The following SLC4A4 variants were observed in gnomAD, a reference collection of about 807,000 sequenced individuals.
SLC4A4 encodes solute carrier family 4 member 4, also known as electrogenic sodium bicarbonate cotransporter 1.
SLC4A4 carries 27 observed loss-of-function variants against 111.5 expected under a neutral mutation model. The observed-to-expected ratio is 0.24, with a 90% CI of 0.18 to 0.33. SLC4A4 has a LOEUF of 0.33. SLC4A4 is among the 10% of genes least tolerant of loss of function. The pLI, the probability that SLC4A4 is intolerant of heterozygous loss-of-function variation, is 1.00. For synonymous variants in SLC4A4, 443 were observed against 463.4 expected (o/e 0.96, Z 0.57); for missense variants, 909 against 1,315.5 (o/e 0.69, Z 4.78).
intron 3 of SLC4A4, among the ~76,000 whole-genome samples, chr4:71,306,583 A>C (rs1725706059): frequency 6.6e-6 from 1 of 150,932 alleles, no homozygotes; most frequent in Admixed American, 6.6e-5. Flanking sequence ...CTCCGTCTCA[A>C]AAAAAAAAAT....
chr4:71,432,754 A>G (rs1723757275), intron 7 of SLC4A4, among the ~76,000 whole-genome samples: 1 of 152,072 alleles, frequency 6.6e-6, no homozygotes, highest in African/African-American at 2.4e-5. Context: ...AAAAGCCTAC[A>G]GAGGGTGATG....
chr4:71,536,967 C>T lies in SLC4A4; in HGVS notation c.2442+2579C>T, dbSNP rs181866579. Among the ~76,000 whole-genome samples the T allele has an allele frequency of 1.1e-3, 162 of 150,656 alleles. 2 individuals carry two copies. Among genetic ancestry groups the T allele is most frequent in the African/African-American group, 3.7e-3 (151 of 41,022 alleles). ...GTATATATGTGTGTATATACATATC[C>T]TTTCTTATATGTATATGTATATGTA... On this transcript the variant is annotated intron_variant, in intron 18 of 25. Coordinates refer to ENST00000264485, the MANE Select transcript of SLC4A4 (RefSeq NM_001098484.3).
intron 7 of SLC4A4, among the ~76,000 whole-genome samples, chr4:71,411,917 G>A (rs373520494): frequency 7.9e-5 from 12 of 152,208 alleles, no homozygotes; most frequent in South Asian, 6.2e-4. Context: ...ATAAACAACT[G>A]TACTCGAAGT....
intron 3 of SLC4A4, among the ~76,000 whole-genome samples, chr4:71,275,497 G>T (rs1006095308): frequency 6.6e-6 from 1 of 152,176 alleles, no homozygotes; most frequent in South Asian, 2.1e-4. Context: ...ATGGTTAAAC[G>T]TAGGATAGAT....
intron 2 of SLC4A4, among the ~76,000 whole-genome samples, chr4:71,174,516 G>C (rs1184455514): frequency 2.0e-5 from 3 of 151,912 alleles, no homozygotes; most frequent in Non-Finnish European, 4.4e-5. Context: ...CCAAAGTGCT[G>C]GTATTACAGG....
At chr4:71,427,779 C>T (rs1167357544) in intron 7 of SLC4A4, among the ~76,000 whole-genome samples, 9 of 152,108 alleles carry the variant, frequency 5.9e-5, no homozygotes. Context: ...GAATATAGTT[C>T]ACCAAGTGCA....
rs149317061 is a variant in SLC4A4 at position 71,449,544 on chromosome 4, T to C, written c.1054-845T>C. ...CCCCAGACTGTTAAATGTTACTTAATTGATAGCTTTTAAAAATTCTTTTCC... is the reference window on the plus strand; with the variant it reads ...CCCCAGACTGTTAAATGTTACTTAACTGATAGCTTTTAAAAATTCTTTTCC... On this transcript the variant is annotated intron_variant, in intron 9 of 25. Transcript: ENST00000264485. Among the ~76,000 whole-genome samples, 808 of 152,306 alleles carry C rather than the reference T, an allele frequency of 5.3e-3. 7 individuals carry two copies. Among genetic ancestry groups the C allele is most frequent in the African/African-American group, 0.019 (776 of 41,556 alleles).
chr4:71,209,511 A>G (rs1461728201), intron 1 of SLC4A4, among the ~76,000 whole-genome samples: 1 of 152,232 alleles, frequency 6.6e-6, no homozygotes, highest in Non-Finnish European at 1.5e-5. Context: ...GCAGCTAATA[A>G]AGATGTATCA....
intron 16 of SLC4A4, among the ~76,000 whole-genome samples, chr4:71,514,832 A>G (rs1732237371): frequency 6.6e-6 from 1 of 152,052 alleles, no homozygotes; most frequent in African/African-American, 2.4e-5. Flanking sequence ...TATGAGTTGT[A>G]ATGTGTCCTT....
intron 16 of SLC4A4, among the ~76,000 whole-genome samples, chr4:71,520,636 GT>G (rs1732841192): frequency 6.6e-6 from 1 of 152,170 alleles, no homozygotes; most frequent in Non-Finnish European, 1.5e-5. Flanking sequence ...AATTTAAGGA[GT>G]TTTCTGGCTC....
At chr4:71,108,412 G>T (rs1743001090) in intron 2 of SLC4A4, among the ~76,000 whole-genome samples, 2 of 152,102 alleles carry the variant, frequency 1.3e-5, no homozygotes, top group South Asian at 4.1e-4. Context: ...CTGCATATAG[G>T]ATTCTTGTTG....
chr4:71,079,788 AG>A (rs1307844530), intron 1 of SLC4A4, among the ~76,000 whole-genome samples: 1 of 150,498 alleles, frequency 6.6e-6, no homozygotes, highest in African/African-American at 2.4e-5. Flanking sequence ...AAAAAAAAAA[AG>A]ATGTAAAGAA....
At chr4:71,469,792 G>T (rs1182310636) in intron 13 of SLC4A4, among the ~76,000 whole-genome samples, 1 of 151,774 alleles carries the variant, frequency 6.6e-6, no homozygotes, top group Non-Finnish European at 1.5e-5. Flanking sequence ...CTTTATTTGG[G>T]TCATTCTTGT....
intron 3 of SLC4A4, among the ~76,000 whole-genome samples, chr4:71,299,947 G>A (rs1725092546): frequency 6.6e-6 from 1 of 152,126 alleles, no homozygotes; most frequent in African/African-American, 2.4e-5. Context: ...TGCAGGATGA[G>A]GCAGGGATAG....
At chr4:71,529,389 G>C (rs1168426973) in intron 16 of SLC4A4, among the ~76,000 whole-genome samples, 2 of 152,040 alleles carry the variant, frequency 1.3e-5, no homozygotes, top group African/African-American at 4.8e-5. Flanking sequence ...AAGCAGTATA[G>C]ATCTTTCAGG....
intron 2 of SLC4A4, among the ~76,000 whole-genome samples, chr4:71,118,834 T>C (rs901149943): frequency 6.6e-6 from 1 of 152,116 alleles, no homozygotes; most frequent in African/African-American, 2.4e-5. Flanking sequence ...TGTAATTTGG[T>C]TTTTATTTGT....
intron 1 of SLC4A4, among the ~76,000 whole-genome samples, chr4:71,209,304 A>G (rs1717985719): frequency 6.6e-6 from 1 of 152,116 alleles, no homozygotes; most frequent in Non-Finnish European, 1.5e-5. Context: ...TCTTGGAAAA[A>G]AGAAGCAGCA....
At chr4:71,513,128 T>C (rs1410651892) in intron 16 of SLC4A4, among the ~76,000 whole-genome samples, 1 of 152,204 alleles carries the variant, frequency 6.6e-6, no homozygotes, top group East Asian at 1.9e-4. Flanking sequence ...TTCTTTGTGG[T>C]TCTATATGAG....
intron 3 of SLC4A4, among the ~76,000 whole-genome samples, chr4:71,284,410 G>A (rs1156439748): frequency 6.6e-6 from 1 of 152,152 alleles, no homozygotes; most frequent in African/African-American, 2.4e-5. Flanking sequence ...GGTTTTATTT[G>A]CTAAAATGCC....
Sources: allele counts gnomAD v4.1 joint callset (sites outside exome capture counted in the v4.1 genomes callset), GRCh38; gene constraint gnomAD v4.1.1; transcripts MANE v1.5; gene names NCBI Gene and HGNC (gene_info 2026-07-23, HGNC 2026-07-21).